The following MED13L variants were observed in gnomAD, a reference collection of about 807,000 sequenced individuals.
The protein encoded by MED13L is mediator of RNA polymerase II transcription subunit 13-like.
In MED13L, 7 loss-of-function variants were observed where a neutral mutation model predicts 220.9. That is an observed-to-expected ratio of 0.03 (90% CI 0.02 to 0.06). The LOEUF (loss-of-function observed/expected upper bound fraction) is 0.06, where lower values mean the gene tolerates loss of function less well. Among genes scored for constraint, MED13L ranks in the 10% least tolerant of loss-of-function variants. MED13L has a pLI of 1.00. For synonymous variants in MED13L, 1,011 were observed against 1,015.2 expected (o/e 1.00, Z 0.08); for missense variants, 1,965 against 2,760.5 (o/e 0.71, Z 6.46).
intron 4 of MED13L, among the ~76,000 whole-genome samples, chr12:116,056,795 C>T (rs1033654016): frequency 6.6e-6 from 1 of 152,130 alleles, no homozygotes; most frequent in African/African-American, 2.4e-5. Flanking sequence ...AAATTACTAT[C>T]TTGTGCTCTA....
intron 2 of MED13L, among the ~76,000 whole-genome samples, chr12:116,135,637 C>A (rs912267238): frequency 6.6e-6 from 1 of 152,108 alleles, no homozygotes; most frequent in Non-Finnish European, 1.5e-5. Flanking sequence ...GTGGTAAGAT[C>A]ACACTATAAT....
chr12:116,182,235 A>T (rs545942023), intron 2 of MED13L, among the ~76,000 whole-genome samples: 2 of 152,170 alleles, frequency 1.3e-5, no homozygotes, highest in African/African-American at 2.4e-5. Flanking sequence ...AACCCATTCA[A>T]ACTGGTCTTA....
intron 4 of MED13L, among the ~76,000 whole-genome samples, chr12:116,089,341 T>C (rs1322789055): frequency 6.6e-6 from 1 of 152,088 alleles, no homozygotes; most frequent in Non-Finnish European, 1.5e-5. Context: ...TATATGCATA[T>C]GCCACAGCAC....
chr12:116,025,501 G>A (rs1880334914), intron 4 of MED13L, among the ~76,000 whole-genome samples: 1 of 152,158 alleles, frequency 6.6e-6, no homozygotes, highest in South Asian at 2.1e-4. Flanking sequence ...AGGGATGAAT[G>A]AATGAAGAAA....
chr12:116,078,141 C>CAAAA (rs924705816), intron 4 of MED13L, among the ~76,000 whole-genome samples: 15 of 58,694 alleles, frequency 2.6e-4, no homozygotes, highest in Admixed American at 2.5e-3. Flanking sequence ...GACTCTGTCT[C>CAAAA]AAAAAAAAAA....
rs1210016465 is a variant in MED13L at position 116,015,157 on chromosome 12, A to C, written c.1127T>G (p.Met376Arg). The C allele has an allele frequency of 6.8e-6, 11 of 1,613,792 alleles. No homozygotes were observed. The Admixed American group carries it at 1.5e-4, about 22-fold the overall frequency. ...GCATTCCTTCCAGACTCGATGGACC[A>C]TATGATTGTGGAGTTTTGGAGGAAT... ...GKIPPKLHNH[M>R]VHRVWKECIL... is the part of the protein sequence containing the mutation. The change falls in exon 8 of 31, where the codon ATG (methionine) becomes AGG (arginine). Residue 376 changes from methionine (M) to arginine (R), a missense_variant. Transcript: ENST00000281928.
At chr12:115,979,901 G>A (rs186794201) in intron 23 of MED13L, among the ~76,000 whole-genome samples, 152 of 145,702 alleles carry the variant, frequency 1.0e-3, no homozygotes, top group African/African-American at 3.7e-3. Context: ...CTTTGGTGTT[G>A]TAAAATTCCC....
chr12:116,077,918 C>T (rs1870926952), intron 4 of MED13L, among the ~76,000 whole-genome samples: 1 of 152,078 alleles, frequency 6.6e-6, no homozygotes, highest in Admixed American at 6.6e-5. Flanking sequence ...TTTGGGAGGC[C>T]GAGGCGTGTA....
At chr12:116,120,936 ACAGT>A (rs1189219008) in intron 2 of MED13L, among the ~76,000 whole-genome samples, 5 of 152,144 alleles carry the variant, frequency 3.3e-5, no homozygotes, top group Non-Finnish European at 7.4e-5. Context: ...ATGAGTGACA[ACAGT>A]CAATCAAAAC....
intron 17 of MED13L, among the ~76,000 whole-genome samples, chr12:115,990,407 A>G (rs1877979937): frequency 1.3e-5 from 2 of 152,224 alleles, no homozygotes; most frequent in South Asian, 4.1e-4. Flanking sequence ...TTCTTTCAGT[A>G]ACCATTTTAT....
intron 1 of MED13L, among the ~76,000 whole-genome samples, chr12:116,253,380 G>GA (rs765064846): frequency 6.6e-6 from 1 of 151,418 alleles, no homozygotes; most frequent in Admixed American, 6.6e-5. Context: ...AACATCTAAG[G>GA]AAAAAATATC....
At chr12:116,091,151 A>T (rs1872170218) in intron 4 of MED13L, among the ~76,000 whole-genome samples, 1 of 151,668 alleles carries the variant, frequency 6.6e-6, no homozygotes, top group Non-Finnish European at 1.5e-5. Context: ...AGAATTAAAA[A>T]ACAAGGTATA....
intron 2 of MED13L, chr12:116,174,553 C>A (rs961938738): frequency 1.3e-5 from 2 of 151,592 alleles, no homozygotes; most frequent in Non-Finnish European, 2.9e-5. Context: ...CAAAGCATAT[C>A]TGACTATTCG....
chr12:115,983,573 T>A, intron 20 of MED13L, 33 bp from the exon 21 acceptor site: 1 of 1,611,080 alleles, frequency 6.2e-7, no homozygotes, highest in Non-Finnish European at 8.5e-7. Flanking sequence ...GTGACTTTAG[T>A]GATATTCTGC....
chr12:116,007,896 T>TGC, intron 10 of MED13L: 2 of 492,182 alleles, frequency 4.1e-6, no homozygotes, highest in Non-Finnish European at 7.3e-6. Flanking sequence ...ATTTACTAAC[T>TGC]GCATGGCCCT....
chr12:116,208,247 A>G (rs1018563279), intron 2 of MED13L, among the ~76,000 whole-genome samples: 4 of 152,182 alleles, frequency 2.6e-5, no homozygotes, highest in African/African-American at 9.7e-5. Flanking sequence ...ATACAAAAAA[A>G]TTAGCCAGGT....
chr12:116,125,040 T>C (rs985571351), intron 2 of MED13L, among the ~76,000 whole-genome samples: 2 of 152,226 alleles, frequency 1.3e-5, no homozygotes, highest in Admixed American at 6.5e-5. Flanking sequence ...CTATTGATTT[T>C]TACACTAAGA....
chr12:116,061,745 C>T (rs1163644908), intron 4 of MED13L, among the ~76,000 whole-genome samples: 2 of 152,040 alleles, frequency 1.3e-5, no homozygotes, highest in African/African-American at 2.4e-5. Flanking sequence ...TAGTGGCTCA[C>T]GCCTGTAATC....
At chr12:115,978,016 TG>T (rs763797778) in intron 23 of MED13L, among the ~76,000 whole-genome samples, 1 of 151,310 alleles carries the variant, frequency 6.6e-6, no homozygotes, top group Non-Finnish European at 1.5e-5. Context: ...ATAAAAAAAT[TG>T]GGGGGAAGAC....
Sources: gnomAD v4.1 joint callset for allele counts (sites outside exome capture counted in the v4.1 genomes callset) on GRCh38, gnomAD v4.1.1 for gene constraint, MANE v1.5 for transcripts, NCBI Gene and HGNC (gene_info 2026-07-23, HGNC 2026-07-21) for gene names.